The following ARHGAP44 variants were observed in gnomAD, a reference collection of about 807,000 sequenced individuals.
ARHGAP44 encodes rho GTPase-activating protein 44.
Under a neutral mutation model 106.8 loss-of-function variants are expected in ARHGAP44, and 43 were observed. The observed-to-expected ratio is 0.40, with a 90% CI of 0.32 to 0.52. The LOEUF (loss-of-function observed/expected upper bound fraction) is 0.52, where lower values mean the gene tolerates loss of function less well. Among genes scored for constraint, ARHGAP44 ranks in the 20% least tolerant of loss-of-function variants. The probability of loss-of-function intolerance (pLI) is 0.48; values close to 1 mark genes in which losing one functional copy is unlikely to be tolerated. For synonymous variants in ARHGAP44, 439 were observed against 410.3 expected, an observed-to-expected ratio of 1.07 and a Z score of -0.85; for missense variants, 866 against 1,050.5, an observed-to-expected ratio of 0.82 and a Z score of 2.43.
chr17:12,859,456 C>T (rs12941590), intron 1 of ARHGAP44, among the ~76,000 whole-genome samples: 92,644 of 151,634 alleles, frequency 0.61, 28,989 homozygotes, highest in Non-Finnish European at 0.66. Flanking sequence ...GGCATGAACC[C>T]GTTTCTCCAT....
At chr17:12,861,644 C>CATTTTTTTTTTTTTTTT (rs113766926) in intron 1 of ARHGAP44, among the ~76,000 whole-genome samples, 1 of 67,754 alleles carries the variant, frequency 1.5e-5, no homozygotes, top group Non-Finnish European at 2.9e-5. Flanking sequence ...TCCTCTTCCA[C>CATTTTTTTTTTTTTTTT]TTTTTTTTTT....
intron 1 of ARHGAP44, among the ~76,000 whole-genome samples, chr17:12,844,428 G>A (rs764872768): frequency 1.4e-4 from 22 of 152,146 alleles, no homozygotes; most frequent in Non-Finnish European, 2.4e-4. Context: ...CAATAACAAC[G>A]TTAATTCGTT....
intron 1 of ARHGAP44, among the ~76,000 whole-genome samples, chr17:12,877,452 T>G (rs2036590852): frequency 6.6e-6 from 1 of 152,182 alleles, no homozygotes; most frequent in Non-Finnish European, 1.5e-5. Context: ...TTTATAAAAT[T>G]TTCAATGCTT....
intron 16 of ARHGAP44, among the ~76,000 whole-genome samples, chr17:12,959,464 A>T (rs542092060): frequency 6.6e-6 from 1 of 152,350 alleles, no homozygotes; most frequent in East Asian, 1.9e-4. Context: ...TTGTAAGTAC[A>T]TTCAATTTAG....
intron 16 of ARHGAP44, among the ~76,000 whole-genome samples, chr17:12,960,601 C>T (rs2143195170): frequency 6.6e-6 from 1 of 152,088 alleles, no homozygotes. Context: ...CGCTCTGTCA[C>T]CCGGGCTGGA....
At chr17:12,838,656 C>A (rs1033019220) in intron 1 of ARHGAP44, among the ~76,000 whole-genome samples, 11 of 152,086 alleles carry the variant, frequency 7.2e-5, no homozygotes, top group African/African-American at 2.7e-4. Context: ...TTATTCACCC[C>A]CCACCCATCT....
At chr17:12,947,747 A>G (rs947701248) in intron 10 of ARHGAP44, among the ~76,000 whole-genome samples, 5 of 152,182 alleles carry the variant, frequency 3.3e-5, no homozygotes, top group Non-Finnish European at 5.9e-5. Flanking sequence ...TTGCATGGCA[A>G]GGGCATGGTT....
chr17:12,964,532 G>A (rs1265560764), intron 16 of ARHGAP44, among the ~76,000 whole-genome samples: 1 of 152,208 alleles, frequency 6.6e-6, no homozygotes, highest in African/African-American at 2.4e-5. Context: ...TGTAATCCCT[G>A]CACTTCGGGA....
chr17:12,813,829 C>T (rs2034512036), intron 1 of ARHGAP44, among the ~76,000 whole-genome samples: 1 of 151,932 alleles, frequency 6.6e-6, no homozygotes. Context: ...GCAAATTATT[C>T]CCAGGCTGCT....
intron 20 of ARHGAP44, among the ~76,000 whole-genome samples, chr17:12,989,313 G>A (rs2040049963): frequency 6.6e-6 from 1 of 152,058 alleles, no homozygotes; most frequent in South Asian, 2.1e-4. Flanking sequence ...GAGGCTTCGT[G>A]TCCACTCAGC....
rs140882682 is a variant in ARHGAP44, at chr17:12,841,637, C to CAAAA, written c.53+51747_53+51748insAAAA. ...ACACACACACACACACACACACACACACAAACAAACAAACAAAAACCACAC... is the reference window on the plus strand; with the variant it reads ...ACACACACACACACACACACACACACAAAAACAAACAAACAAACAAAAACCACAC... On this transcript the variant is annotated intron_variant, in intron 1 of 20. Transcript: ENST00000379672. Among the ~76,000 whole-genome samples, 199 of 101,696 alleles carry CAAAA rather than the reference C, an allele frequency of 2.0e-3. 4 individuals are homozygous for CAAAA. Among genetic ancestry groups the CAAAA allele is most frequent in the African/African-American group, 7.0e-3 (190 of 27,022 alleles). The allele number at this position is 101,696 out of a possible 152,430, so 66.7% of individuals were successfully genotyped here.
intron 16 of ARHGAP44, among the ~76,000 whole-genome samples, chr17:12,962,868 A>G (rs1039693867): frequency 4.6e-5 from 7 of 152,078 alleles, no homozygotes; most frequent in Non-Finnish European, 1.0e-4. Context: ...CAACATGGAG[A>G]AACCCTGTCT....
intron 1 of ARHGAP44, among the ~76,000 whole-genome samples, chr17:12,802,895 A>G (rs1281474125): frequency 8.0e-6 from 1 of 125,482 alleles, no homozygotes; most frequent in African/African-American, 3.0e-5. Flanking sequence ...AATAGTTGGG[A>G]CTACTGGCAT....
chr17:12,809,009 TC>T (rs1794399034), intron 1 of ARHGAP44, among the ~76,000 whole-genome samples: 1 of 152,226 alleles, frequency 6.6e-6, no homozygotes, highest in Non-Finnish European at 1.5e-5. Flanking sequence ...ATGCACTAAA[TC>T]ATCTCTATCA....
chr17:12,940,935 A>G, intron 7 of ARHGAP44, 121 bp from the exon 8 acceptor site: 2 of 727,652 alleles, frequency 2.7e-6, no homozygotes, highest in Non-Finnish European at 4.4e-6. Flanking sequence ...TATCATATCA[A>G]GTATTAAAAA....
chr17:12,835,640 A>G (rs1229644218), intron 1 of ARHGAP44, among the ~76,000 whole-genome samples: 1 of 152,220 alleles, frequency 6.6e-6, no homozygotes, highest in African/African-American at 2.4e-5. Flanking sequence ...ATTAAAAAAA[A>G]TTGTGAAAAA....
At chr17:12,988,144 C>T (rs972650629) in intron 20 of ARHGAP44, 4 of 152,218 alleles carry the variant, frequency 2.6e-5, no homozygotes, top group Admixed American at 2.6e-4. Flanking sequence ...CCCCTGAATC[C>T]CATTCCCTTG....
At chr17:12,921,511 T>C (rs887799145) in intron 6 of ARHGAP44, among the ~76,000 whole-genome samples, 1 of 152,138 alleles carries the variant, frequency 6.6e-6, no homozygotes, top group Non-Finnish European at 1.5e-5. Flanking sequence ...TACACCTGGC[T>C]AATTTTTTTA....
In ARHGAP44 at chr17:12,803,131, C is replaced by T. The variant is rs1029233088; in HGVS notation, c.53+13240C>T. On this transcript the variant is annotated intron_variant, in intron 1 of 20. Coordinates refer to ENST00000379672, the MANE Select transcript of ARHGAP44 (RefSeq NM_014859.6). ...GGGATTACAGGCGCCCACCACCAGG[C>T]GCCTGTATTTTTGTATTTTTAGTAG... Among the ~76,000 whole-genome samples the T allele has an allele frequency of 7.3e-5, 11 of 150,944 alleles. 1 individual carries two copies. Among genetic ancestry groups the T allele is most frequent in the Admixed American group, 2.0e-4 (3 of 15,164 alleles).
Sources: allele counts gnomAD v4.1 joint callset (sites outside exome capture counted in the v4.1 genomes callset), GRCh38; gene constraint gnomAD v4.1.1; transcripts MANE v1.5; gene names NCBI Gene and HGNC (gene_info 2026-07-23, HGNC 2026-07-21).